Variants in ZNF536 observed in about 807,000 individuals in gnomAD.
ZNF536 encodes the protein zinc finger protein 536.
In ZNF536, 13 loss-of-function variants were observed where a neutral mutation model predicts 84.5. The ratio of observed to expected loss-of-function variants is 0.15; its 90% CI spans 0.10 to 0.24. The LOEUF is 0.24. Among genes scored for constraint, ZNF536 ranks in the 10% least tolerant of loss-of-function variants. ZNF536 has a pLI of 1.00. For missense variants in ZNF536, 1,536 were observed against 1,747.5 expected, an observed-to-expected ratio of 0.88 and a Z score of 2.16; for synonymous variants, 811 against 742.5, an observed-to-expected ratio of 1.09 and a Z score of -1.50.
chr19:30,374,218 C>T (rs1423791563), intron 1 of ZNF536, among the ~76,000 whole-genome samples: 1 of 151,752 alleles, frequency 6.6e-6, no homozygotes, highest in Admixed American at 6.6e-5. Flanking sequence ...AAGTAGTTCT[C>T]TATAGGTTGA....
At chr19:30,336,317 G>T (rs572172655) in intron 2 of ZNF536, among the ~76,000 whole-genome samples, 1 of 152,162 alleles carries the variant, frequency 6.6e-6, no homozygotes, top group Non-Finnish European at 1.5e-5. Context: ...TTTCTCCAGC[G>T]CCTGGCACAT....
At chr19:30,606,024 T>C (rs1280780195) in intron 1 of ZNF536, among the ~76,000 whole-genome samples, 1 of 151,816 alleles carries the variant, frequency 6.6e-6, no homozygotes, top group Non-Finnish European at 1.5e-5. Context: ...TGAGGCCATG[T>C]CCAGGTCACC....
chr19:30,365,184 C>T (rs914466716), intron 3 of ZNF536, among the ~76,000 whole-genome samples: 8 of 152,194 alleles, frequency 5.3e-5, no homozygotes, highest in African/African-American at 1.9e-4. Context: ...TAAAATTTTT[C>T]TTCCTGAAAA....
intron 2 of ZNF536, among the ~76,000 whole-genome samples, chr19:30,521,640 C>G (rs951692301): frequency 7.9e-5 from 12 of 152,178 alleles, no homozygotes; most frequent in African/African-American, 2.7e-4. Flanking sequence ...TGGCTGGACA[C>G]CGGCCACGTG....
intron 2 of ZNF536, among the ~76,000 whole-genome samples, chr19:30,321,904 G>C (rs1410981232): frequency 1.3e-5 from 2 of 151,708 alleles, no homozygotes; most frequent in Non-Finnish European, 2.9e-5. Flanking sequence ...AGCTTCTTGA[G>C]TAACTGGAAT....
intron 2 of ZNF536, among the ~76,000 whole-genome samples, chr19:30,345,478 C>A (rs1600311186): frequency 6.6e-6 from 1 of 152,152 alleles, no homozygotes; most frequent in Non-Finnish European, 1.5e-5. Flanking sequence ...AGTGTCTTCA[C>A]CAGTTTATGG....
In ZNF536 at chr19:30,488,957, A is replaced by G. The variant is rs548515159; in HGVS notation, c.2170+43225A>G. ...TTCCCGAAGCATTAGAGTCTCTTTA[A>G]GTGCTAGGGCTGCTGACTGAGGTTT... On this transcript the variant is annotated intron_variant, in intron 2 of 4. Transcript: ENST00000355537. 2.2e-4 allele frequency among the ~76,000 whole-genome samples: 33 copies of G among 152,288 alleles called. No homozygotes were observed. In the South Asian group the frequency reaches 6.9e-3, roughly 32 times the overall value.
chr19:30,674,534 A>G (rs1390725637), intron 1 of ZNF536, among the ~76,000 whole-genome samples: 1 of 152,208 alleles, frequency 6.6e-6, no homozygotes, highest in Non-Finnish European at 1.5e-5. Flanking sequence ...AAGGAAACCA[A>G]TGGAGTGTAT....
chr19:30,475,341 C>A (rs551527781), intron 2 of ZNF536, among the ~76,000 whole-genome samples: 1 of 152,120 alleles, frequency 6.6e-6, no homozygotes, highest in East Asian at 1.9e-4. Context: ...TGGTGGCTCA[C>A]GTCTATAATC....
intron 2 of ZNF536, among the ~76,000 whole-genome samples, chr19:30,305,121 G>T (rs147973061): frequency 5.9e-5 from 9 of 152,296 alleles, no homozygotes; most frequent in African/African-American, 2.2e-4. Context: ...AGGGCCTGAG[G>T]CTGCATTTTC....
At position 30,444,374 on chromosome 19, in the gene ZNF536, C is replaced by T. The variant is rs1229633698; in HGVS notation, c.812C>T (p.Ala271Val). ...ASVQEDAVAP[A>V]AGFRCTFCKG... is the part of the protein sequence containing the mutation. ...GTGCAGGAGGACGCGGTGGCCCCGGCGGCGGGCTTCCGCTGTACCTTCTGC... is the reference window on the plus strand; with the variant it reads ...GTGCAGGAGGACGCGGTGGCCCCGGTGGCGGGCTTCCGCTGTACCTTCTGC... Residue 271 changes from alanine (A) to valine (V), a missense_variant, in exon 2 of 5, where the codon GCG (alanine) becomes GTG (valine). Physicochemically the swap from Ala to Val is moderately conservative, Grantham distance 64. Transcript: ENST00000355537. The T allele has an allele frequency of 2.5e-6, 4 of 1,603,814 alleles. No individual in the cohort carries two copies. Among genetic ancestry groups the T allele is most frequent in the Non-Finnish European group, 3.4e-6 (4 of 1,179,428 alleles).
chr19:30,392,494 G>T lies in ZNF536; in HGVS notation c.-3+19938G>T, dbSNP rs187549604. Among the ~76,000 whole-genome samples, 3 of 152,272 alleles carry T rather than the reference G, an allele frequency of 2.0e-5. No homozygotes were observed. In the East Asian group the frequency reaches 5.8e-4, roughly 29 times the overall value. ...CCACCGCCCGGCAGCAATTATCTGCGGTTAGCTGGTTACTCCGAGCTGCCA... is the reference window on the plus strand; with the variant it reads ...CCACCGCCCGGCAGCAATTATCTGCTGTTAGCTGGTTACTCCGAGCTGCCA... On this transcript the variant is annotated intron_variant, in intron 1 of 4. Coordinates refer to ENST00000355537, the MANE Select transcript of ZNF536 (RefSeq NM_014717.3).
At position 30,606,494 on chromosome 19, in the gene ZNF536, C is replaced by T. The variant is rs1184092162; in HGVS notation, c.169+56980C>T. ...TGGAGTGCAGATTTAGTTCTGAGGG[C>T]GTGGGTTGGTGCTGAGCCACCTGAA... On this transcript the variant is annotated intron_variant, in intron 1 of 1. Coordinates refer to the ZNF536 transcript ENST00000592773. Among the ~76,000 whole-genome samples, 6 of 151,942 alleles carry T rather than the reference C, an allele frequency of 3.9e-5. No homozygotes were observed. In the East Asian group the frequency reaches 5.8e-4, roughly 15 times the overall value.
rs545598430 is a variant in ZNF536, at chr19:30,693,123, T to C, written c.170-17634T>C. 7.2e-5 allele frequency among the ~76,000 whole-genome samples: 11 copies of C among 152,200 alleles called. No individual in the cohort carries two copies. The East Asian group carries it at 1.7e-3, about 24-fold the overall frequency. On this transcript the variant is annotated intron_variant, in intron 1 of 1. Coordinates refer to the ZNF536 transcript ENST00000592773. ...ACATGGTCGCTTGTCCCTATGCCTC[T>C]CCGTGCTTCGGACACCCCCCACTCA... is the stretch of plus-strand genomic sequence containing the variant.
intron 1 of ZNF536, among the ~76,000 whole-genome samples, chr19:30,647,033 T>C (rs1052100058): frequency 6.6e-6 from 1 of 152,288 alleles, no homozygotes; most frequent in Admixed American, 6.5e-5. Flanking sequence ...CCGCTGGAGA[T>C]TAGTCCTTTG....
At chr19:30,487,687 ACCTGAAGT>A (rs61558330) in intron 2 of ZNF536, among the ~76,000 whole-genome samples, 2,269 of 152,232 alleles carry the variant, frequency 0.015, 48 homozygotes, top group African/African-American at 0.052. Flanking sequence ...TTCTTCAAAA[ACCTGAAGT>A]CCTGAAGTGA....
chr19:30,394,861 T>C (rs1403592513), intron 1 of ZNF536, among the ~76,000 whole-genome samples: 1 of 152,184 alleles, frequency 6.6e-6, no homozygotes, highest in Non-Finnish European at 1.5e-5. Context: ...AGGCTTTACC[T>C]GAAAAGCAGT....
chr19:30,486,352 T>G (rs1198447056), intron 2 of ZNF536, among the ~76,000 whole-genome samples: 4 of 152,210 alleles, frequency 2.6e-5, no homozygotes, highest in Non-Finnish European at 5.9e-5. Flanking sequence ...ACATGCAGTG[T>G]TTGGCTTTCT....
intron 2 of ZNF536, among the ~76,000 whole-genome samples, chr19:30,492,866 C>T (rs1317254328): frequency 1.3e-5 from 2 of 151,746 alleles, no homozygotes; most frequent in East Asian, 1.9e-4. Flanking sequence ...GTTCACAGAC[C>T]ACAGACGCCC....
Sources: gnomAD v4.1 joint callset for allele counts (sites outside exome capture counted in the v4.1 genomes callset) on GRCh38, gnomAD v4.1.1 for gene constraint, MANE v1.5 for transcripts, NCBI Gene and HGNC (gene_info 2026-07-23, HGNC 2026-07-21) for gene names.